The following ELAPOR2 variants were observed in gnomAD, a reference collection of about 807,000 sequenced individuals.
ELAPOR2 encodes endosome/lysosome-associated apoptosis and autophagy regulator family member 2.
ELAPOR2 carries 89 observed loss-of-function variants against 120.7 expected under a neutral mutation model. The observed-to-expected ratio is 0.74, with a 90% CI of 0.62 to 0.88. The LOEUF (loss-of-function observed/expected upper bound fraction) is 0.88, where lower values mean the gene tolerates loss of function less well. Among genes scored for constraint, ELAPOR2 ranks in the 40% least tolerant of loss-of-function variants. The pLI, the probability that ELAPOR2 is intolerant of heterozygous loss-of-function variation, is 0.00. For missense variants in ELAPOR2, 1,134 were observed against 1,251.6 expected (o/e 0.91, Z 1.42); for synonymous variants, 444 against 444.9 (o/e 1.00, Z 0.03).
intron 1 of ELAPOR2, among the ~76,000 whole-genome samples, chr7:86,991,837 G>A (rs1015683272): frequency 1.3e-5 from 2 of 151,738 alleles, no homozygotes; most frequent in African/African-American, 4.9e-5. Flanking sequence ...TAACTAAAGA[G>A]AAAGTAGAGA....
intron 18 of ELAPOR2, among the ~76,000 whole-genome samples, chr7:86,907,414 C>T (rs1011710977): frequency 1.1e-4 from 17 of 151,722 alleles, no homozygotes; most frequent in African/African-American, 4.1e-4. Flanking sequence ...TTTTATATTT[C>T]TTCAAGAGAA....
At chr7:86,915,767 CAT>C (rs1264528076) in intron 12 of ELAPOR2, among the ~76,000 whole-genome samples, 3 of 150,944 alleles carry the variant, frequency 2.0e-5, no homozygotes, top group East Asian at 3.9e-4. Flanking sequence ...AGGAATCAAA[CAT>C]GTGATAAAGT....
rs774848791 is a variant in ELAPOR2, at chr7:86,940,095, T to A, written c.762A>T (p.Thr254=). ...GSHSVMLKSG[T]NILYWRTTGI... ...CTGTAGTTCTCCAGTAGAGTATGTT[T>A]GTGCCTGATTTCAGCATTACCTATA... The change falls in exon 6 of 22, where the codon ACA becomes ACT. Residue 254 remains threonine (T), a synonymous_variant. Coordinates refer to ENST00000450689, the MANE Select transcript of ELAPOR2 (RefSeq NM_001142749.3). 7.4e-6 allele frequency: 12 copies of A among 1,611,530 alleles called. No homozygotes were observed. Among genetic ancestry groups the A allele is most frequent in the Admixed American group, 6.7e-5 (4 of 59,830 alleles).
chr7:86,983,541 T>C (rs1792593759), intron 1 of ELAPOR2, among the ~76,000 whole-genome samples: 1 of 152,166 alleles, frequency 6.6e-6, no homozygotes, highest in African/African-American at 2.4e-5. Flanking sequence ...TCAACATTCT[T>C]AAAGAAAAGA....
chr7:86,897,353 G>A (rs555776931), intron 19 of ELAPOR2, among the ~76,000 whole-genome samples, 153 bp downstream of exon 19: 2 of 152,228 alleles, frequency 1.3e-5, no homozygotes, highest in South Asian at 2.1e-4. Flanking sequence ...GCATCTGAGA[G>A]TTCAGCTGCC....
intron 1 of ELAPOR2, among the ~76,000 whole-genome samples, chr7:87,018,588 A>G (rs1348948144): frequency 6.6e-6 from 1 of 152,218 alleles, no homozygotes; most frequent in Non-Finnish European, 1.5e-5. Flanking sequence ...ATGATGAACA[A>G]AATTTAATAC....
chr7:87,028,938 T>G (rs1187465223), intron 1 of ELAPOR2, among the ~76,000 whole-genome samples: 1 of 152,168 alleles, frequency 6.6e-6, no homozygotes. Context: ...CATTTTAGGG[T>G]TTTTGCATTT....
At chr7:86,928,417 C>A (rs1036135574) in intron 8 of ELAPOR2, among the ~76,000 whole-genome samples, 15 of 151,922 alleles carry the variant, frequency 9.9e-5, no homozygotes, top group African/African-American at 2.4e-5. Flanking sequence ...CCCTAATTTG[C>A]TGATTTATTT....
intron 1 of ELAPOR2, among the ~76,000 whole-genome samples, chr7:87,003,293 A>G (rs1793374811): frequency 6.6e-6 from 1 of 152,026 alleles, no homozygotes; most frequent in East Asian, 1.9e-4. Flanking sequence ...CTTTCCTTGG[A>G]TCTGAGAGCT....
intron 1 of ELAPOR2, among the ~76,000 whole-genome samples, chr7:87,056,598 C>T (rs1206016742): frequency 6.6e-6 from 1 of 152,188 alleles, no homozygotes. Flanking sequence ...AACTTTTCTC[C>T]CCCTTTCGAC....
In ELAPOR2 at chr7:86,925,671, T is replaced by C. The variant is rs545307015; in HGVS notation, c.1271-15A>G. ...TGGTCTACATTCTACAGGAGACAAG[T>C]AGGGTCAACAATTAAAATTAAACTG... On this transcript the variant is annotated splice_polypyrimidine_tract_variant and intron_variant, in intron 9 of 21. Coordinates refer to ENST00000450689, the MANE Select transcript of ELAPOR2 (RefSeq NM_001142749.3). The C allele has an allele frequency of 3.7e-6, 6 of 1,610,184 alleles. No individual in the cohort carries two copies. Among genetic ancestry groups the C allele is most frequent in the South Asian group, 1.1e-5 (1 of 90,948 alleles).
At chr7:86,984,930 A>C (rs896220478) in intron 1 of ELAPOR2, among the ~76,000 whole-genome samples, 1 of 152,242 alleles carries the variant, frequency 6.6e-6, no homozygotes, top group Admixed American at 6.5e-5. Flanking sequence ...AAATTGATAG[A>C]CTGCTAGCAA....
At chr7:86,898,036 G>C (rs1788525167) in intron 18 of ELAPOR2, among the ~76,000 whole-genome samples, 1 of 152,012 alleles carries the variant, frequency 6.6e-6, no homozygotes, top group African/African-American at 2.4e-5. Flanking sequence ...ACAAAAACTG[G>C]TACATCAATG....
At chr7:86,917,433 T>C (rs1383354393) in intron 12 of ELAPOR2, among the ~76,000 whole-genome samples, 1 of 151,928 alleles carries the variant, frequency 6.6e-6, no homozygotes, top group African/African-American at 2.4e-5. Context: ...GAAAAAATAA[T>C]AATTTTGACA....
chr7:86,946,639 G>A (rs530419564), intron 3 of ELAPOR2, among the ~76,000 whole-genome samples: 2 of 152,108 alleles, frequency 1.3e-5, no homozygotes, highest in African/African-American at 4.8e-5. Flanking sequence ...CGCCTGCCTC[G>A]ACCTCCCAAA....
At chr7:86,884,323 T>C (rs1409890713) in intron 21 of ELAPOR2, among the ~76,000 whole-genome samples, 1 of 152,160 alleles carries the variant, frequency 6.6e-6, no homozygotes, top group African/African-American at 2.4e-5. Context: ...AATTATCCTC[T>C]AGCCCGAAAG....
At chr7:86,948,463 A>G (rs953769426) in intron 2 of ELAPOR2, among the ~76,000 whole-genome samples, 8 of 152,174 alleles carry the variant, frequency 5.3e-5, no homozygotes, top group African/African-American at 1.9e-4. Context: ...TTATTTTTGG[A>G]TTCCTAGCTG....
chr7:86,978,755 C>G (rs1792362678), intron 1 of ELAPOR2, among the ~76,000 whole-genome samples: 1 of 152,156 alleles, frequency 6.6e-6, no homozygotes, highest in Non-Finnish European at 1.5e-5. Flanking sequence ...CCTTACACCT[C>G]TTTATCTTGT....
At chr7:86,901,649 A>T (rs1788731125) in intron 18 of ELAPOR2, among the ~76,000 whole-genome samples, 1 of 152,228 alleles carries the variant, frequency 6.6e-6, no homozygotes, top group Non-Finnish European at 1.5e-5. Flanking sequence ...GACTGAAGGG[A>T]AAGGCCACAG....
Sources: gnomAD v4.1 joint callset for allele counts (sites outside exome capture counted in the v4.1 genomes callset) on GRCh38, gnomAD v4.1.1 for gene constraint, MANE v1.5 for transcripts, NCBI Gene and HGNC (gene_info 2026-07-23, HGNC 2026-07-21) for gene names.